The following PDE4D variants were observed in gnomAD, a reference collection of about 807,000 sequenced individuals.
PDE4D encodes the protein phosphodiesterase 4D, also known as 3',5'-cyclic-AMP phosphodiesterase 4D.
In PDE4D, 24 loss-of-function variants were observed where a neutral mutation model predicts 87.4. The observed-to-expected ratio is 0.27, with a 90% CI of 0.20 to 0.39. The LOEUF is 0.39. Ranked by LOEUF, PDE4D falls within the 10% of genes least tolerant of loss-of-function variation. PDE4D has a pLI of 1.00. For synonymous variants in PDE4D, 384 were observed against 383.2 expected, an observed-to-expected ratio of 1.00 and a Z score of -0.02; for missense variants, 714 against 1,041.0, an observed-to-expected ratio of 0.69 and a Z score of 4.32.
chr5:59,327,582 C>T (rs1257758161), intron 1 of PDE4D, among the ~76,000 whole-genome samples: 1 of 152,160 alleles, frequency 6.6e-6, no homozygotes, highest in Non-Finnish European at 1.5e-5. Flanking sequence ...TATGCACTGA[C>T]TTAATGAGAT....
At chr5:59,025,774 T>A (rs1370390473) in intron 6 of PDE4D, among the ~76,000 whole-genome samples, 1 of 152,252 alleles carries the variant, frequency 6.6e-6, no homozygotes, top group Non-Finnish European at 1.5e-5. Context: ...GACATTAGCC[T>A]GCACTTACTC....
chr5:60,423,878 A>G (rs1743377413), intron 1 of PDE4D, among the ~76,000 whole-genome samples: 1 of 152,224 alleles, frequency 6.6e-6, no homozygotes, highest in South Asian at 2.1e-4. Flanking sequence ...CCACAGAAAT[A>G]CAAACTACCA....
At chr5:60,482,577 T>C (rs1256974852) in intron 1 of PDE4D, among the ~76,000 whole-genome samples, 1 of 151,942 alleles carries the variant, frequency 6.6e-6, no homozygotes, top group Non-Finnish European at 1.5e-5. Context: ...GTGATAAGAG[T>C]GGAGTCACAA....
intron 1 of PDE4D, among the ~76,000 whole-genome samples, chr5:59,546,839 AG>A (rs1817352088): frequency 6.6e-6 from 1 of 152,164 alleles, no homozygotes; most frequent in Non-Finnish European, 1.5e-5. Flanking sequence ...TGGATATCTC[AG>A]TATGTAGTAA....
At chr5:59,288,772 C>G (rs898328928) in intron 1 of PDE4D, among the ~76,000 whole-genome samples, 1 of 151,892 alleles carries the variant, frequency 6.6e-6, no homozygotes, top group Non-Finnish European at 1.5e-5. Context: ...TCAGTGGAAA[C>G]CTTATAGGGC....
chr5:59,698,837 C>T (rs1366001856), intron 1 of PDE4D, among the ~76,000 whole-genome samples: 2 of 152,150 alleles, frequency 1.3e-5, no homozygotes, highest in African/African-American at 4.8e-5. Flanking sequence ...CATTAGTGAT[C>T]ACAGATCTAT....
At chr5:60,085,608 C>G (rs1039880876) in intron 2 of PDE4D, among the ~76,000 whole-genome samples, 12 of 152,086 alleles carry the variant, frequency 7.9e-5, no homozygotes, top group African/African-American at 2.9e-4. Context: ...GTAGATGTAG[C>G]TAAGAAGAGG....
intron 5 of PDE4D, among the ~76,000 whole-genome samples, chr5:59,176,748 A>C (rs1219604653): frequency 6.6e-6 from 1 of 152,166 alleles, no homozygotes; most frequent in Non-Finnish European, 1.5e-5. Context: ...AAAGTGATAG[A>C]GAATTAATAT....
chr5:59,674,477 ATTAT>A (rs1267387618), intron 1 of PDE4D, among the ~76,000 whole-genome samples: 3 of 152,128 alleles, frequency 2.0e-5, no homozygotes, highest in South Asian at 2.1e-4. Flanking sequence ...CTCTAAAATC[ATTAT>A]TTAGAGTCTA....
intron 2 of PDE4D, among the ~76,000 whole-genome samples, chr5:59,203,324 CAA>C (rs1297253562): frequency 1.3e-5 from 2 of 150,142 alleles, no homozygotes; most frequent in African/African-American, 4.9e-5. Context: ...TTTTTTTAAT[CAA>C]AAAAAGGTAA....
intron 1 of PDE4D, among the ~76,000 whole-genome samples, chr5:60,479,514 G>A (rs1383299184): frequency 1.3e-5 from 2 of 152,188 alleles, no homozygotes; most frequent in African/African-American, 4.8e-5. Context: ...GAATAGGCAG[G>A]TTAGTGGAGA....
At chr5:59,100,510 A>T (rs1399863094) in intron 5 of PDE4D, among the ~76,000 whole-genome samples, 1 of 152,198 alleles carries the variant, frequency 6.6e-6, no homozygotes, top group East Asian at 1.9e-4. Context: ...TAAACAAAAA[A>T]AACTTGAACA....
intron 1 of PDE4D, among the ~76,000 whole-genome samples, chr5:59,342,697 G>A (rs762927735): frequency 2.0e-5 from 3 of 152,220 alleles, no homozygotes; most frequent in African/African-American, 7.2e-5. Flanking sequence ...TAATCCATTT[G>A]TGTGTAGGCA....
chr5:59,887,317 A>G (rs1353685753), intron 1 of PDE4D, among the ~76,000 whole-genome samples: 1 of 152,228 alleles, frequency 6.6e-6, no homozygotes, highest in Non-Finnish European at 1.5e-5. Flanking sequence ...TAAGTTTTAA[A>G]CAATAAGGTA....
At chr5:58,976,305 G>A (rs1321120182) in intron 13 of PDE4D, 45 bp downstream of exon 13, 5 of 1,600,322 alleles carry the variant, frequency 3.1e-6, no homozygotes, top group African/African-American at 1.3e-5. Context: ...ATGTGCACAT[G>A]TGCACAGACA....
At chr5:59,873,064 T>C (rs931691373) in intron 1 of PDE4D, among the ~76,000 whole-genome samples, 9 of 152,192 alleles carry the variant, frequency 5.9e-5, no homozygotes, top group Non-Finnish European at 8.8e-5. Context: ...GCTATACTTT[T>C]CCCCTTCCTT....
At chr5:59,516,313 T>C (rs1026570596) in intron 1 of PDE4D, among the ~76,000 whole-genome samples, 8 of 152,302 alleles carry the variant, frequency 5.3e-5, no homozygotes, top group Admixed American at 1.3e-4. Context: ...GGATTTTTTT[T>C]CCCTCTTTCT....
chr5:59,179,694 G>C (rs779790619), intron 5 of PDE4D: 39 of 454,328 alleles, frequency 8.6e-5, no homozygotes, highest in Non-Finnish European at 1.5e-4. Context: ...CTTAATAAGA[G>C]CTCCTCAGCA....
chr5:59,659,794 C>G (rs1207392335), intron 1 of PDE4D, among the ~76,000 whole-genome samples: 1 of 152,206 alleles, frequency 6.6e-6, no homozygotes, highest in Non-Finnish European at 1.5e-5. Context: ...AACCACACCA[C>G]ACATCCTTGA....
Sources: gnomAD v4.1 joint callset for allele counts (sites outside exome capture counted in the v4.1 genomes callset) on GRCh38, gnomAD v4.1.1 for gene constraint, MANE v1.5 for transcripts, NCBI Gene and HGNC (gene_info 2026-07-23, HGNC 2026-07-21) for gene names.